HOGA1: variants seen among roughly 807,000 people sequenced by gnomAD.
HOGA1 encodes the protein 4-hydroxy-2-oxoglutarate aldolase, mitochondrial.
A neutral mutation model predicts 34.3 loss-of-function variants in HOGA1; 30 were observed. The ratio of observed to expected loss-of-function variants is 0.87; its 90% CI spans 0.65 to 1.19. The LOEUF (loss-of-function observed/expected upper bound fraction) is 1.19, where lower values mean the gene tolerates loss of function less well. HOGA1 is among the 50% of genes most tolerant of loss of function. HOGA1 has a pLI of 0.00. For synonymous variants in HOGA1, 161 were observed against 174.0 expected (o/e 0.93, Z 0.59); for missense variants, 417 against 436.5 (o/e 0.96, Z 0.40).
Position 97,599,210 on chromosome 10 carries a change from C to T in HOGA1, c.462C>T (p.Tyr154=), listed in dbSNP as rs375901862. The T allele has an allele frequency of 4.6e-5, 74 of 1,613,870 alleles. No individual in the cohort carries two copies. Among genetic ancestry groups the T allele is most frequent in the Non-Finnish European group, 5.6e-5 (66 of 1,180,024 alleles). The part of the protein sequence containing the change: ...RMSSAALIHH[Y]TKVADLSPIP... ...GCAGTGCGGCCCTCATTCACCACTA[C>T]ACCAAGGTGTGTGTGAGGCCTGAGA... Residue 154 remains tyrosine (Y), a synonymous_variant, in exon 3 of 7, where the codon TAC becomes TAT. Transcript: ENST00000370646.
At chr10:97,588,451 G>A (rs1050670561) in intron 1 of HOGA1, among the ~76,000 whole-genome samples, 8 of 152,000 alleles carry the variant, frequency 5.3e-5, no homozygotes, top group African/African-American at 9.7e-5. Context: ...CCTCGTGATC[G>A]TCCGCCTCGG....
intron 1 of HOGA1, 28 bp downstream of exon 1, chr10:97,584,942 T>G (rs765733570): frequency 1.9e-6 from 3 of 1,594,716 alleles, no homozygotes; most frequent in Non-Finnish European, 2.6e-6. Context: ...CTGTGGGACC[T>G]GGGGAGATGT....
rs201347931 is a variant in HOGA1 at position 97,611,628 on chromosome 10, G to T, written c.953G>T (p.Arg318Leu). Reference sequence around the variant, plus strand: ...AGCCCCGCTGAGGAGGAGGCACTGCGCATGGATTTCACCAGCAACGGCTGG... The same window carrying T: ...AGCCCCGCTGAGGAGGAGGCACTGCTCATGGATTTCACCAGCAACGGCTGG... Reference protein sequence around the residue: ...ELSPAEEEALRMDFTSNGWL With the variant: ...ELSPAEEEALLMDFTSNGWL The change falls in exon 7 of 7, where the codon CGC (arginine) becomes CTC (leucine). Residue 318 changes from arginine to leucine, a missense_variant. Arg to Leu is a moderately radical substitution (Grantham distance 102). Coordinates refer to ENST00000370646, the MANE Select transcript of HOGA1 (RefSeq NM_138413.4). 6.2e-7 allele frequency: 1 copy of T among 1,613,940 alleles called. No individual in the cohort carries two copies. Among genetic ancestry groups the T allele is most frequent in the Non-Finnish European group, 8.5e-7 (1 of 1,180,038 alleles).
rs2135720593 is a variant in HOGA1, at chr10:97,597,643, T to C, written c.212-1132T>C. On this transcript the variant is annotated intron_variant, in intron 1 of 6. Transcript: ENST00000370646. ...ATGACATTCTATGCTGCTCCTGAGG[T>C]CTACACTGATTGATTAGAAATGTGG... is the stretch of plus-strand genomic sequence containing the variant. 2.0e-5 allele frequency among the ~76,000 whole-genome samples: 3 copies of C among 152,198 alleles called. No homozygotes were observed. The South Asian group carries it at 6.2e-4, about 32-fold the overall frequency.
chr10:97,599,404 AT>A, intron 3 of HOGA1, 188 bp downstream of exon 3: 1 of 733,896 alleles, frequency 1.4e-6, no homozygotes, highest in Non-Finnish European at 2.3e-6. Context: ...CCCCTCTAAA[AT>A]TGGAGGAATG....
At chr10:97,591,057 T>G (rs909776626) in intron 1 of HOGA1, 1 of 159,006 alleles carries the variant, frequency 6.3e-6, no homozygotes, top group Admixed American at 6.3e-5. Context: ...GCCTTTTCAC[T>G]GGGCCTCATT....
chr10:97,599,761 G>T lies in HOGA1; in HGVS notation c.550G>T (p.Val184Phe). ...GCTGGACCTGCCTGTGGATGCAGTG[G>T]TCACGCTTTCCCAGCACCCGAATAT... ...TGLDLPVDAV[V>F]TLSQHPNIVG... Residue 184 changes from valine to phenylalanine, a missense_variant, in exon 4 of 7, where the codon GTC becomes TTC. By Grantham distance (50) the Val-to-Phe change is conservative. Coordinates refer to ENST00000370646, the MANE Select transcript of HOGA1 (RefSeq NM_138413.4). 1 of 1,614,202 alleles carries T rather than the reference G, an allele frequency of 6.2e-7. No homozygotes were observed.
At chr10:97,610,891 C>T (rs930097537) in intron 6 of HOGA1, among the ~76,000 whole-genome samples, 3 of 152,192 alleles carry the variant, frequency 2.0e-5, no homozygotes, top group African/African-American at 7.2e-5. Context: ...TCATGTTGTC[C>T]AGCCCCTTCC....
chr10:97,607,310 C>G lies in HOGA1; in HGVS notation c.835-4200C>G, dbSNP rs180995995. 4.1e-3 allele frequency among the ~76,000 whole-genome samples: 623 copies of G among 152,272 alleles called. 1 individual carries two copies. Among genetic ancestry groups the G allele is most frequent in the Non-Finnish European group, 6.6e-3 (447 of 68,020 alleles). On this transcript the variant is annotated intron_variant, in intron 6 of 6. Transcript: ENST00000370646. ...TGGTGCAAGTCCTGACTTCCCTCCC[C>G]CTGGCCTGCTCTGACACCACCCAGC...
At position 97,584,425 on chromosome 10, in the gene HOGA1, G is replaced by A. The variant is rs41309988; in HGVS notation, c.-279G>A. 0.027 allele frequency: 11,419 copies of A among 418,560 alleles called. 284 individuals carry two copies. The highest frequency in any genetic ancestry group is 0.08 in the Admixed American group (2,026 of 25,260). 25.9% of individuals were successfully genotyped at this position (418,560 alleles called of 1,614,324 possible). A position where few individuals can be genotyped will look rare whatever the true frequency, so the allele number is the denominator to read the frequency against. On this transcript the variant is annotated 5_prime_UTR_variant, in exon 1 of 7. Transcript: ENST00000370646. ...GAGATACCGAAGGAGATACTCTTTA[G>A]TATTGGGATCCCAGAAACCAGTCCT...
At chr10:97,605,406 G>T (rs545538742) in intron 6 of HOGA1, among the ~76,000 whole-genome samples, 14 of 88,960 alleles carry the variant, frequency 1.6e-4, no homozygotes, top group African/African-American at 5.1e-4. Context: ...GTGAGATCCT[G>T]TCTCAAAAAA....
chr10:97,589,192 A>C (rs2040997702), intron 1 of HOGA1, among the ~76,000 whole-genome samples: 1 of 152,068 alleles, frequency 6.6e-6, no homozygotes, highest in South Asian at 2.1e-4. Flanking sequence ...TAGTTACTCC[A>C]GAATGAGCTC....
intron 1 of HOGA1, among the ~76,000 whole-genome samples, chr10:97,595,876 C>G (rs1228339041): frequency 1.3e-5 from 2 of 152,294 alleles, no homozygotes; most frequent in African/African-American, 4.8e-5. Flanking sequence ...TTCCTCTCCT[C>G]TGGCCCCCTC....
chr10:97,589,406 G>C (rs1589901945), intron 1 of HOGA1, among the ~76,000 whole-genome samples: 2 of 151,848 alleles, frequency 1.3e-5, no homozygotes, highest in Admixed American at 1.3e-4. Flanking sequence ...CCCCCTGGGG[G>C]CCACCAGATG....
chr10:97,594,282 TCTC>T lies in HOGA1; in HGVS notation c.212-4490_212-4488del, dbSNP rs1452439717. Among the ~76,000 whole-genome samples, 4 of 150,026 alleles carry T rather than the reference TCTC, an allele frequency of 2.7e-5. No homozygotes were observed. The East Asian group carries it at 8.0e-4, about 30-fold the overall frequency. ...CCTCCACCTCCCAGGCTTAAGCAAT[TCTC>T]CTGCTTCTGACTCCCGAGTAGCTGG... On this transcript the variant is annotated intron_variant, in intron 1 of 6. Coordinates refer to ENST00000370646, the MANE Select transcript of HOGA1 (RefSeq NM_138413.4).
At position 97,599,827 on chromosome 10, in the gene HOGA1, A is replaced by G. The variant is rs113921655; in HGVS notation, c.603+13A>G. On this transcript the variant is annotated intron_variant, in intron 4 of 6. Transcript: ENST00000370646. ...CAGCGGTGGTGATGTGAGTGGCAGC[A>G]GCTCCGGGGCTGGGGTCCTCTCCTC... 2 of 1,614,078 alleles carry G rather than the reference A, an allele frequency of 1.2e-6. No individual in the cohort carries two copies. Among genetic ancestry groups the G allele is most frequent in the African/African-American group, 1.3e-5 (1 of 74,942 alleles).
rs956004502 is a variant in HOGA1 at position 97,603,238 on chromosome 10, A to G, written c.834+1248A>G. On this transcript the variant is annotated intron_variant, in intron 6 of 6. Transcript: ENST00000370646. The surrounding 1 kb of genome is among the most constrained non-coding windows in gnomAD (Gnocchi z 4.5). ...AGGCTGGCCTCAAACTCCTAACCTC[A>G]AGTGATCCTCCTGCCTCGGCCTCCC... Among the ~76,000 whole-genome samples the G allele has an allele frequency of 3.9e-5, 6 of 151,952 alleles. No individual in the cohort carries two copies. Among genetic ancestry groups the G allele is most frequent in the Non-Finnish European group, 5.9e-5 (4 of 67,986 alleles).
intron 1 of HOGA1, among the ~76,000 whole-genome samples, chr10:97,598,069 T>A (rs2041084599): frequency 6.6e-6 from 1 of 152,230 alleles, no homozygotes; most frequent in Admixed American, 6.5e-5. Context: ...ACAGAAGACT[T>A]TACAGAAAAT....
intron 6 of HOGA1, 53 bp from the exon 7 acceptor site, chr10:97,611,456 GA>G: frequency 6.2e-7 from 1 of 1,605,698 alleles, no homozygotes; most frequent in South Asian, 1.1e-5. Flanking sequence ...CCGAGTTCCA[GA>G]TATGGGTGTT....
Sources: gnomAD v4.1 joint callset for allele counts (sites outside exome capture counted in the v4.1 genomes callset) on GRCh38, gnomAD v4.1.1 for gene constraint, Gnocchi (gnomAD v3.1) non-coding constraint, MANE v1.5 for transcripts, NCBI Gene and HGNC (gene_info 2026-07-23, HGNC 2026-07-21) for gene names.